The following L3MBTL3 variants were observed in gnomAD, a reference collection of about 807,000 sequenced individuals.
The protein encoded by L3MBTL3 is lethal(3)malignant brain tumor-like protein 3.
A neutral mutation model predicts 102.3 loss-of-function variants in L3MBTL3; 27 were observed. The ratio of observed to expected loss-of-function variants is 0.26; its 90% CI spans 0.19 to 0.36. The LOEUF (loss-of-function observed/expected upper bound fraction) is 0.36, where lower values mean the gene tolerates loss of function less well. Among genes scored for constraint, L3MBTL3 ranks in the 10% least tolerant of loss-of-function variants. The pLI, the probability that L3MBTL3 is intolerant of heterozygous loss-of-function variation, is 1.00. For missense variants in L3MBTL3, 798 were observed against 955.3 expected (o/e 0.84, Z 2.17); for synonymous variants, 340 against 320.9 (o/e 1.06, Z -0.64).
At position 130,032,432 on chromosome 6, in the gene L3MBTL3, G is replaced by A. The variant is rs987743287; in HGVS notation, c.-16+10127G>A. Among the ~76,000 whole-genome samples the A allele has an allele frequency of 7.2e-5, 11 of 152,192 alleles. No homozygotes were observed. The East Asian group carries it at 1.7e-3, about 24-fold the overall frequency. ...TTGTTGTACCCCAGCCTGGAAAACA[G>A]AGTGAGATCCTGTCTCTATGAATAA... On this transcript the variant is annotated intron_variant, in intron 2 of 22. Coordinates refer to ENST00000361794, the MANE Select transcript of L3MBTL3 (RefSeq NM_032438.4).
chr6:130,075,640 A>T (rs982851736), intron 13 of L3MBTL3, among the ~76,000 whole-genome samples: 8 of 152,146 alleles, frequency 5.3e-5, no homozygotes, highest in African/African-American at 1.9e-4. Flanking sequence ...CAAATGGATT[A>T]TTGCTTAAGA....
intron 6 of L3MBTL3, among the ~76,000 whole-genome samples, chr6:130,051,829 A>C (rs763745837): frequency 6.6e-6 from 1 of 152,222 alleles, no homozygotes; most frequent in Non-Finnish European, 1.5e-5. Flanking sequence ...ACTGATTCGT[A>C]ATCAGCTGAA....
Position 130,070,111 on chromosome 6 carries a change from T to TTTTTG in L3MBTL3, c.1093-845_1093-841dup, listed in dbSNP as rs555626638. Among the ~76,000 whole-genome samples the TTTTTG allele has an allele frequency of 8.6e-5, 13 of 151,792 alleles. No homozygotes were observed. In the East Asian group the frequency reaches 1.2e-3, roughly 14 times the overall value. The stretch of plus-strand genomic sequence containing the variant: ...ACAGAGGTTTTTGTTTGTTTTTTGT[T>TTTTTG]TTTTGTTTTGTTTTGTTTTGTTTTT... On this transcript the variant is annotated intron_variant, in intron 12 of 22. Transcript: ENST00000361794.
chr6:130,083,503 A>G (rs1312166735), intron 14 of L3MBTL3, 117 bp from the exon 15 acceptor site: 3 of 501,412 alleles, frequency 6.0e-6, no homozygotes, highest in Non-Finnish European at 1.1e-5. Context: ...TAAAGTTGTC[A>G]TGTATATATG....
At chr6:130,055,477 T>TCTCTCCCTCCCTCTCTCCCTCCCC (rs1781409876) in intron 8 of L3MBTL3, among the ~76,000 whole-genome samples, 1 of 147,806 alleles carries the variant, frequency 6.8e-6, no homozygotes, top group Admixed American at 6.7e-5. Flanking sequence ...CCTCCCTCCC[T>TCTCTCCCTCCCTCTCTCCCTCCCC]CTCTCCCTCC....
At chr6:130,134,746 C>G (rs540284127) in intron 22 of L3MBTL3, among the ~76,000 whole-genome samples, 8 of 152,210 alleles carry the variant, frequency 5.3e-5, no homozygotes, top group Non-Finnish European at 8.8e-5. Flanking sequence ...TACACGCATA[C>G]ACAACTTGTT....
intron 18 of L3MBTL3, among the ~76,000 whole-genome samples, chr6:130,095,189 G>A (rs1159196983): frequency 1.3e-5 from 2 of 152,112 alleles, no homozygotes; most frequent in Non-Finnish European, 2.9e-5. Flanking sequence ...TGCCCACTAA[G>A]CAAAATGATT....
At chr6:130,086,935 T>G (rs1159738159) in intron 16 of L3MBTL3, among the ~76,000 whole-genome samples, 2 of 152,222 alleles carry the variant, frequency 1.3e-5, no homozygotes, top group Non-Finnish European at 1.5e-5. Flanking sequence ...AGCAAGACAT[T>G]AAATGTACAT....
intron 20 of L3MBTL3, among the ~76,000 whole-genome samples, chr6:130,130,388 G>A (rs1786923998): frequency 6.6e-6 from 1 of 152,176 alleles, no homozygotes; most frequent in Non-Finnish European, 1.5e-5. Context: ...TATATGGCAT[G>A]CACTCAGGAT....
chr6:130,128,105 A>G (rs1320519167), intron 20 of L3MBTL3, among the ~76,000 whole-genome samples: 6 of 151,988 alleles, frequency 3.9e-5, no homozygotes, highest in South Asian at 2.1e-4. Context: ...TAACAAACCA[A>G]TCCCCTACTG....
intron 12 of L3MBTL3, among the ~76,000 whole-genome samples, chr6:130,068,899 G>A (rs1049031272): frequency 2.6e-5 from 4 of 152,162 alleles, no homozygotes; most frequent in Middle Eastern, 3.4e-3. Flanking sequence ...CTACTTGACC[G>A]GTATTCCTGC....
chr6:130,141,337 GT>G lies in L3MBTL3; in HGVS notation c.*1590del, dbSNP rs1039777783. The G allele has an allele frequency of 2.0e-5, 3 of 152,146 alleles. No homozygotes were observed. The highest frequency in any genetic ancestry group is 7.2e-5 in the African/African-American group (3 of 41,430). 9.4% of individuals were successfully genotyped at this position (152,146 alleles called of 1,614,324 possible). On this transcript the variant is annotated 3_prime_UTR_variant, in exon 23 of 23. Transcript: ENST00000361794. ...TATTTGCATGAATCTGCTTAAATAA[GT>G]TTTTTGTTGCTGTTTTTTCTTTTTT...
At chr6:130,022,639 A>T (rs1037389499) in intron 2 of L3MBTL3, among the ~76,000 whole-genome samples, 1 of 152,244 alleles carries the variant, frequency 6.6e-6, no homozygotes, top group Non-Finnish European at 1.5e-5. Context: ...GTAAATTAAT[A>T]TAAGTGTTAC....
chr6:130,053,476 A>C (rs1333275720), intron 7 of L3MBTL3, among the ~76,000 whole-genome samples: 1 of 152,098 alleles, frequency 6.6e-6, no homozygotes, highest in African/African-American at 2.4e-5. Flanking sequence ...CTTACTAAAA[A>C]TACAAAAAAT....
At chr6:130,076,608 C>T (rs756638912) in intron 13 of L3MBTL3, among the ~76,000 whole-genome samples, 1 of 152,088 alleles carries the variant, frequency 6.6e-6, no homozygotes, top group South Asian at 2.1e-4. Flanking sequence ...TCATGATATA[C>T]ATAAAAACCC....
chr6:130,018,851 T>C (rs1420624469), intron 1 of L3MBTL3, among the ~76,000 whole-genome samples, 187 bp downstream of exon 1: 1 of 152,046 alleles, frequency 6.6e-6, no homozygotes, highest in Non-Finnish European at 1.5e-5. Context: ...CCCACTTCTC[T>C]GCGCCTCTGG....
chr6:130,109,520 A>G (rs1391174442), intron 19 of L3MBTL3, among the ~76,000 whole-genome samples: 2 of 152,084 alleles, frequency 1.3e-5, no homozygotes, highest in East Asian at 1.9e-4. Flanking sequence ...AGAAGTGTCT[A>G]TTCATATCCT....
At chr6:130,114,371 C>G (rs1479113556) in intron 19 of L3MBTL3, among the ~76,000 whole-genome samples, 1 of 152,180 alleles carries the variant, frequency 6.6e-6, no homozygotes, top group Non-Finnish European at 1.5e-5. Flanking sequence ...ACTCAGGAAA[C>G]CCTTTTCTGT....
intron 18 of L3MBTL3, among the ~76,000 whole-genome samples, chr6:130,097,301 CAT>C (rs1784416859): frequency 6.6e-6 from 1 of 152,194 alleles, no homozygotes; most frequent in South Asian, 2.1e-4. Flanking sequence ...TTTAGGAAAA[CAT>C]AATGAGAAAA....
Sources: allele counts gnomAD v4.1 joint callset (sites outside exome capture counted in the v4.1 genomes callset), GRCh38; gene constraint gnomAD v4.1.1; transcripts MANE v1.5; gene names NCBI Gene and HGNC (gene_info 2026-07-23, HGNC 2026-07-21).